The following MAGI2 variants were observed in gnomAD, a reference collection of about 807,000 sequenced individuals.
MAGI2 encodes the protein membrane-associated guanylate kinase, WW and PDZ domain-containing protein 2.
A neutral mutation model predicts 133.3 loss-of-function variants in MAGI2; 35 were observed. That is an observed-to-expected ratio of 0.26 (90% CI 0.20 to 0.35). The LOEUF is 0.35. Among genes scored for constraint, MAGI2 ranks in the 10% least tolerant of loss-of-function variants. The probability of loss-of-function intolerance (pLI) is 1.00; values close to 1 mark genes in which losing one functional copy is unlikely to be tolerated. For missense variants in MAGI2, 1,636 were observed against 1,863.4 expected (o/e 0.88, Z 2.25); for synonymous variants, 729 against 710.6 (o/e 1.03, Z -0.41).
intron 4 of MAGI2, among the ~76,000 whole-genome samples, chr7:78,513,437 C>T (rs923483294): frequency 6.6e-6 from 1 of 152,142 alleles, no homozygotes; most frequent in Non-Finnish European, 1.5e-5. Context: ...AGAGCCATCA[C>T]TGACAATAAA....
At chr7:78,089,214 G>C (rs1361838890) in intron 20 of MAGI2, among the ~76,000 whole-genome samples, 1 of 152,226 alleles carries the variant, frequency 6.6e-6, no homozygotes, top group Non-Finnish European at 1.5e-5. Context: ...AGCAGGAATA[G>C]AGAACTAATG....
At chr7:78,596,192 G>GAAGGAATGA in intron 3 of MAGI2, among the ~76,000 whole-genome samples, 3 of 124,296 alleles carry the variant, frequency 2.4e-5, no homozygotes, top group Non-Finnish European at 3.5e-5. Flanking sequence ...GGGAGGGAGG[G>GAAGGAATGA]AGGGAGGGAA....
At chr7:79,259,048 G>A (rs1053383652) in intron 1 of MAGI2, among the ~76,000 whole-genome samples, 21 of 152,132 alleles carry the variant, frequency 1.4e-4, no homozygotes, top group Non-Finnish European at 2.8e-4. Flanking sequence ...ATTTCTGTAC[G>A]TGGTTACAAC....
At chr7:78,312,250 AAT>A (rs979195076) in intron 9 of MAGI2, among the ~76,000 whole-genome samples, 72 of 152,222 alleles carry the variant, frequency 4.7e-4, no homozygotes, top group African/African-American at 1.6e-3. Context: ...CATATAAATT[AAT>A]ATATAGTAAC....
intron 16 of MAGI2, among the ~76,000 whole-genome samples, chr7:78,152,511 A>G (rs1823983202): frequency 6.6e-6 from 1 of 152,226 alleles, no homozygotes. Context: ...TATCATTAGC[A>G]ACGATCTACC....
At chr7:79,193,583 A>C (rs1827842906) in intron 1 of MAGI2, among the ~76,000 whole-genome samples, 1 of 151,962 alleles carries the variant, frequency 6.6e-6, no homozygotes, top group Non-Finnish European at 1.5e-5. Context: ...TGAATGGTAA[A>C]ATGCATACTA....
chr7:79,061,723 T>C (rs536011394), intron 1 of MAGI2, among the ~76,000 whole-genome samples: 2 of 151,864 alleles, frequency 1.3e-5, no homozygotes, highest in South Asian at 4.2e-4. Context: ...GAGAAGAAAT[T>C]CATAGCCAAG....
At chr7:78,087,154 A>G (rs1816732265) in intron 20 of MAGI2, among the ~76,000 whole-genome samples, 1 of 152,218 alleles carries the variant, frequency 6.6e-6, no homozygotes, top group South Asian at 2.1e-4. Flanking sequence ...CTTTAGAAGT[A>G]TTGACCTTTG....
intron 2 of MAGI2, among the ~76,000 whole-genome samples, chr7:78,840,667 G>T (rs541164692): frequency 3.9e-5 from 6 of 151,932 alleles, no homozygotes; most frequent in Non-Finnish European, 8.8e-5. Flanking sequence ...TGTCTTGGGG[G>T]CTCTGTAATT....
chr7:78,611,613 T>C (rs561381473), intron 3 of MAGI2, among the ~76,000 whole-genome samples: 12 of 152,342 alleles, frequency 7.9e-5, no homozygotes, highest in African/African-American at 2.9e-4. Flanking sequence ...CAGTGCTGTT[T>C]GTTGGAAAAT....
chr7:78,912,831 A>C (rs925737540), intron 2 of MAGI2, among the ~76,000 whole-genome samples: 1 of 147,094 alleles, frequency 6.8e-6, no homozygotes, highest in African/African-American at 2.5e-5. Context: ...ATATATATAT[A>C]TATTCCACTT....
chr7:78,399,486 A>G (rs1221627976), intron 6 of MAGI2, among the ~76,000 whole-genome samples: 1 of 152,150 alleles, frequency 6.6e-6, no homozygotes, highest in Admixed American at 6.5e-5. Context: ...AGTCGAGGTA[A>G]TGGGAGCTAG....
chr7:79,291,559 A>G (rs979395129), intron 1 of MAGI2, among the ~76,000 whole-genome samples: 4 of 152,168 alleles, frequency 2.6e-5, no homozygotes, highest in Admixed American at 2.0e-4. Flanking sequence ...CATTTTCTCC[A>G]TATACTCACC....
At chr7:78,484,711 C>T (rs1053597051) in intron 6 of MAGI2, 3 of 151,840 alleles carry the variant, frequency 2.0e-5, no homozygotes, top group Non-Finnish European at 4.4e-5. Flanking sequence ...TTCTATAGGG[C>T]TCATTTACTG....
At chr7:79,380,710 T>C (rs1843714191) in intron 1 of MAGI2, among the ~76,000 whole-genome samples, 1 of 151,724 alleles carries the variant, frequency 6.6e-6, no homozygotes, top group South Asian at 2.1e-4. Flanking sequence ...AATTGTCTTA[T>C]TTGTCACTAA....
intron 9 of MAGI2, among the ~76,000 whole-genome samples, chr7:78,288,085 A>G (rs1228179048): frequency 6.6e-6 from 1 of 152,190 alleles, no homozygotes; most frequent in Non-Finnish European, 1.5e-5. Flanking sequence ...TGGATTTTCA[A>G]TGTGAGTATA....
chr7:78,705,285 ACT>A (rs1818528038), intron 2 of MAGI2, among the ~76,000 whole-genome samples: 2 of 151,212 alleles, frequency 1.3e-5, no homozygotes, highest in Admixed American at 6.6e-5. Flanking sequence ...TTCCCCCTTC[ACT>A]CTCTCTTCTC....
chr7:79,243,605 GAGAA>G (rs1257961470), intron 1 of MAGI2, among the ~76,000 whole-genome samples: 22 of 152,276 alleles, frequency 1.4e-4, no homozygotes, highest in South Asian at 8.3e-4. Context: ...TTAAATCTGA[GAGAA>G]TGGATTTCTT....
chr7:78,638,724 T>C (rs1809945984), intron 2 of MAGI2, among the ~76,000 whole-genome samples: 1 of 152,184 alleles, frequency 6.6e-6, no homozygotes, highest in Non-Finnish European at 1.5e-5. Context: ...GACTATTAAT[T>C]TCCTGAATTT....
Sources: gnomAD v4.1 joint callset for allele counts (sites outside exome capture counted in the v4.1 genomes callset) on GRCh38, gnomAD v4.1.1 for gene constraint, MANE v1.5 for transcripts, NCBI Gene and HGNC (gene_info 2026-07-23, HGNC 2026-07-21) for gene names.